The following GANC variants were observed in gnomAD, a reference collection of about 807,000 sequenced individuals.
GANC encodes the protein neutral alpha-glucosidase C.
A neutral mutation model predicts 124.2 loss-of-function variants in GANC; 117 were observed. The observed-to-expected ratio is 0.94, with a 90% CI of 0.81 to 1.10. The LOEUF (loss-of-function observed/expected upper bound fraction) is 1.10. Among genes scored for constraint, GANC ranks in the 50% least tolerant of loss-of-function variants. The pLI, the probability that GANC is intolerant of heterozygous loss-of-function variation, is 0.00. For missense variants in GANC, 1,140 were observed against 1,095.0 expected (o/e 1.04, Z -0.58); for synonymous variants, 377 against 376.8 (o/e 1.00, Z -0.01).
At chr15:42,327,007 T>C (rs1485381273) in intron 12 of GANC, among the ~76,000 whole-genome samples, 1 of 152,222 alleles carries the variant, frequency 6.6e-6, no homozygotes, top group East Asian at 1.9e-4. Context: ...TTTCTTTTTT[T>C]CCCTTTACAT....
intron 8 of GANC, among the ~76,000 whole-genome samples, 169 bp from the exon 9 acceptor site, chr15:42,310,114 G>T (rs1454814868): frequency 6.6e-6 from 1 of 152,176 alleles, no homozygotes; most frequent in Non-Finnish European, 1.5e-5. Context: ...CAAGGGAAGA[G>T]GACCACGTTC....
At position 42,339,912 on chromosome 15, in the gene GANC, G is replaced by A. The variant is rs778439155; in HGVS notation, c.2087G>A (p.Arg696Lys). 10 of 1,610,952 alleles carry A rather than the reference G, an allele frequency of 6.2e-6. No homozygotes were observed. Among genetic ancestry groups the A allele is most frequent in the Admixed American group, 1.7e-5 (1 of 59,618 alleles). The part of the protein sequence containing the change: ...HAHVASQPVM[R>K]PLWVEFPDEL... Reference sequence around the variant, plus strand: ...CACGTGGCTTCCCAACCTGTCATGAGGTAAAAAAGCTTCATCCATTCAGGG... The same window carrying A: ...CACGTGGCTTCCCAACCTGTCATGAAGTAAAAAAGCTTCATCCATTCAGGG... The change falls in exon 17 of 24, where the codon AGG (arginine) becomes AAG (lysine). Residue 696 changes from arginine to lysine, a missense_variant and splice_region_variant. By Grantham distance (26) the Arg-to-Lys change is conservative. Coordinates refer to ENST00000318010, the MANE Select transcript of GANC (RefSeq NM_198141.3).
At chr15:42,341,567 AT>A (rs569629807) in intron 18 of GANC, among the ~76,000 whole-genome samples, 3,835 of 142,926 alleles carry the variant, frequency 0.027, 93 homozygotes, top group African/African-American at 0.066. Context: ...TCTGAGTTCT[AT>A]TTTTTTTTTT....
chr15:42,310,606 C>T, intron 9 of GANC, 87 bp from the exon 10 acceptor site: 1 of 1,522,922 alleles, frequency 6.6e-7, no homozygotes, highest in East Asian at 2.3e-5. Context: ...GTAGTATCTA[C>T]TAAAGGATCA....
At chr15:42,278,027 A>C in intron 2 of GANC, 1 of 394,948 alleles carries the variant, frequency 2.5e-6, no homozygotes, top group South Asian at 1.8e-5. Context: ...TTTAATAGGA[A>C]GAAAAGCGTA....
At chr15:42,275,347 G>A (rs542484878) in intron 1 of GANC, among the ~76,000 whole-genome samples, 65 of 152,260 alleles carry the variant, frequency 4.3e-4, no homozygotes, top group Non-Finnish European at 1.6e-4. Flanking sequence ...TCACTCCAAC[G>A]TAGGAGGCAG....
chr15:42,349,442 GA>G lies in GANC; in HGVS notation c.2480del (p.Lys827SerfsTer15). Reference sequence around the variant, plus strand: ...GCCATTCATTCCAATACCTCCACCAGAAGCAATTTTTGCACAGGAAGTTTTC... The same window carrying G: ...GCCATTCATTCCAATACCTCCACCAGAGCAATTTTTGCACAGGAAGTTTTC... ...DGHSFQYLHQ[K>X]QFLHRKFSFC... On this transcript the variant is annotated frameshift_variant, in exon 22 of 24. Transcript: ENST00000318010. LOFTEE classifies it high-confidence loss of function. 6.2e-7 allele frequency: 1 copy of G among 1,613,882 alleles called. No homozygotes were observed.
chr15:42,311,558 C>T (rs1251026812), intron 10 of GANC, among the ~76,000 whole-genome samples: 1 of 152,086 alleles, frequency 6.6e-6, no homozygotes, highest in African/African-American at 2.4e-5. Flanking sequence ...GCAGGCTGTA[C>T]AGGAAACATG....
chr15:42,350,574 C>T (rs1322510324), intron 22 of GANC, among the ~76,000 whole-genome samples: 41 of 114,588 alleles, frequency 3.6e-4, no homozygotes, highest in African/African-American at 1.1e-3. Context: ...TTTTTTGAGA[C>T]GGAGTTTTGC....
rs764065757 is a variant in GANC at position 42,273,270 on chromosome 15, G to A, written c.-1212G>A. The stretch of plus-strand genomic sequence containing the variant: ...GAATACTCACCGACGGTATCGGAAT[G>A]TGCCATTTGGACCGGTCGGCAGCAG... On this transcript the variant is annotated 5_prime_UTR_variant, in exon 1 of 24. The change creates a new upstream start codon in the 5' untranslated region. Coordinates refer to ENST00000318010, the MANE Select transcript of GANC (RefSeq NM_198141.3). 18 of 1,614,144 alleles carry A rather than the reference G, an allele frequency of 1.1e-5. No individual in the cohort carries two copies. The highest frequency in any genetic ancestry group is 1.6e-4 in the Middle Eastern group (1 of 6,062).
Position 42,308,316 on chromosome 15 carries a change from T to C in GANC, c.720T>C (p.Thr240=), listed in dbSNP as rs370747535. 6.6e-5 allele frequency: 105 copies of C among 1,588,780 alleles called. No individual in the cohort carries two copies. Among genetic ancestry groups the C allele is most frequent in the Non-Finnish European group, 8.9e-5 (103 of 1,158,974 alleles). Residue 240 remains threonine (T), a splice_region_variant and synonymous_variant, in exon 8 of 24, where the codon ACT becomes ACC. Coordinates refer to ENST00000318010, the MANE Select transcript of GANC (RefSeq NM_198141.3). ...CAGAATCACACCAACTTAAAAATAC[T>C]GGGTAAGTGAAAACAAGAATTCTTA... ...QHAESHQLKN[T]GDGDAYRLYN...
intron 10 of GANC, among the ~76,000 whole-genome samples, chr15:42,316,206 G>A (rs967586575): frequency 2.0e-5 from 3 of 152,106 alleles, no homozygotes; most frequent in Non-Finnish European, 4.4e-5. Context: ...CCAGCCCTAT[G>A]GGGCTTAGTG....
rs575853888 is a variant in GANC, at chr15:42,292,751, G to T, written c.346G>T (p.Gly116Trp). The change falls in exon 5 of 24, where the codon GGG becomes TGG. Residue 116 changes from glycine to tryptophan, a missense_variant. Physicochemically the swap from Gly to Trp is radical, Grantham distance 184. Transcript: ENST00000318010. ...GTTTTCTAGGCTGATTTCATGCTCT[G>T]GGGACACAGGCAGTCTGATATTGGC... is the stretch of plus-strand genomic sequence containing the variant. ...PSTVRLISCS[G>W]DTGSLILADG... is the part of the protein sequence containing the mutation. The T allele has an allele frequency of 6.2e-7, 1 of 1,613,604 alleles. No homozygotes were observed. Among genetic ancestry groups the T allele is most frequent in the Non-Finnish European group, 8.5e-7 (1 of 1,179,738 alleles).
At chr15:42,330,884 C>T (rs952856946) in intron 15 of GANC, among the ~76,000 whole-genome samples, 6 of 150,554 alleles carry the variant, frequency 4.0e-5, no homozygotes, top group African/African-American at 1.5e-4. Flanking sequence ...ACCACCTGGG[C>T]TCAAGCAATC....
chr15:42,281,182 A>C, intron 3 of GANC: 1 of 684,826 alleles, frequency 1.5e-6, no homozygotes, highest in Non-Finnish European at 2.7e-6. Flanking sequence ...CCCTGATCTC[A>C]GGCAAATGTA....
At position 42,275,108 on chromosome 15, in the gene GANC, T is replaced by C. The variant is rs183702966; in HGVS notation, c.29+598T>C. ...ATTAAAATAAACTGGGCCGGTTCGC[T>C]CATGCCTGTAATCCCAGCACTTTGG... On this transcript the variant is annotated intron_variant, in intron 1 of 23. Coordinates refer to ENST00000318010, the MANE Select transcript of GANC (RefSeq NM_198141.3). Among the ~76,000 whole-genome samples the C allele has an allele frequency of 3.5e-3, 530 of 152,008 alleles. 6 individuals are homozygous for C. The highest frequency in any genetic ancestry group is 6.9e-3 in the Middle Eastern group (2 of 288).
At chr15:42,301,932 A>T (rs1229276229) in intron 6 of GANC, among the ~76,000 whole-genome samples, 1 of 152,242 alleles carries the variant, frequency 6.6e-6, no homozygotes, top group Non-Finnish European at 1.5e-5. Flanking sequence ...CAGCTTCAGC[A>T]GACTTAAACA....
chr15:42,283,138 C>G (rs776404723), intron 3 of GANC, among the ~76,000 whole-genome samples: 3 of 152,214 alleles, frequency 2.0e-5, no homozygotes, highest in Non-Finnish European at 4.4e-5. Flanking sequence ...GGACATAGAT[C>G]TGTTCCAAAA....
rs141294793 is a variant in GANC at position 42,350,935 on chromosome 15, G to A, written c.2532-394G>A. 5.4e-4 allele frequency among the ~76,000 whole-genome samples: 82 copies of A among 151,414 alleles called. 2 individuals carry two copies. In the East Asian group the frequency reaches 0.015, roughly 28 times the overall value. ...CACCCAGTCTGGAGTACAGTGGTGC[G>A]ATCTCAGCTCACTGCAACCTCTATC... On this transcript the variant is annotated intron_variant, in intron 22 of 23. Transcript: ENST00000318010.
Sources: gnomAD v4.1 joint callset for allele counts (sites outside exome capture counted in the v4.1 genomes callset) on GRCh38, gnomAD v4.1.1 for gene constraint, MANE v1.5 for transcripts, NCBI Gene and HGNC (gene_info 2026-07-23, HGNC 2026-07-21) for gene names.